PTPRG: variants seen among roughly 807,000 people sequenced by gnomAD.
PTPRG encodes the protein receptor-type tyrosine-protein phosphatase gamma.
Under a neutral mutation model 165.3 loss-of-function variants are expected in PTPRG, and 102 were observed. That is an observed-to-expected ratio of 0.62 (90% CI 0.53 to 0.73). PTPRG has a LOEUF of 0.73. Ranked by LOEUF, PTPRG falls within the 30% of genes least tolerant of loss-of-function variation. The probability of loss-of-function intolerance (pLI) is 0.00; values close to 1 mark genes in which losing one functional copy is unlikely to be tolerated. For synonymous variants in PTPRG, 675 were observed against 669.5 expected (o/e 1.01, Z -0.13); for missense variants, 1,866 against 1,861.4 (o/e 1.00, Z -0.05).
intron 7 of PTPRG, among the ~76,000 whole-genome samples, chr3:62,164,188 G>A (rs971496555): frequency 6.6e-6 from 1 of 152,150 alleles, no homozygotes; most frequent in East Asian, 1.9e-4. Context: ...CACAACTCTA[G>A]GGGACACTTT....
At chr3:61,575,105 TTCTGAACATA>T (rs1235580114) in intron 1 of PTPRG, among the ~76,000 whole-genome samples, 1 of 152,168 alleles carries the variant, frequency 6.6e-6, no homozygotes, top group Non-Finnish European at 1.5e-5. Context: ...TTAGAGTTCT[TTCTGAACATA>T]TTTTAGGATG....
intron 6 of PTPRG, among the ~76,000 whole-genome samples, chr3:62,138,073 G>T (rs1373764512): frequency 1.3e-5 from 2 of 152,154 alleles, no homozygotes; most frequent in African/African-American, 4.8e-5. Context: ...TTAGACCACT[G>T]CTGCACTGTA....
chr3:62,269,071 G>C lies in PTPRG; in HGVS notation c.2911G>C (p.Glu971Gln). The change falls in exon 20 of 30, where the codon GAG becomes CAG. Residue 971 changes from glutamate (E) to glutamine (Q), a missense_variant. Physicochemically the swap from Glu to Gln is conservative, Grantham distance 29. Around this residue, in one of 3 missense-constraint regions of PTPRG, gnomAD observed 1,452 missense variants for 1,463.0 expected, o/e 0.99. Coordinates refer to ENST00000474889, the MANE Select transcript of PTPRG (RefSeq NM_002841.4). Reference sequence around the variant, plus strand: ...TCAGTATTGGCCAACAGAGAACAGTGAGGAATATGGAAACATTATTGTCAC... The same window carrying C: ...TCAGTATTGGCCAACAGAGAACAGTCAGGAATATGGAAACATTATTGTCAC... The part of the protein sequence containing the change: ...CDQYWPTENS[E>Q]EYGNIIVTLK... 6.2e-7 allele frequency: 1 copy of C among 1,604,960 alleles called. No individual in the cohort carries two copies. Among genetic ancestry groups the C allele is most frequent in the Non-Finnish European group, 8.5e-7 (1 of 1,173,096 alleles).
chr3:61,733,005 A>G (rs1203340095), intron 1 of PTPRG, among the ~76,000 whole-genome samples: 1 of 152,186 alleles, frequency 6.6e-6, no homozygotes, highest in African/African-American at 2.4e-5. Flanking sequence ...CACTTTTATT[A>G]TAGTATTTTT....
chr3:61,601,945 T>G (rs183961735), intron 1 of PTPRG, among the ~76,000 whole-genome samples: 1 of 152,302 alleles, frequency 6.6e-6, no homozygotes, highest in African/African-American at 2.4e-5. Flanking sequence ...GTGGTTTCAT[T>G]TGAACCTTAC....
At chr3:62,124,863 C>A (rs1307373123) in intron 5 of PTPRG, among the ~76,000 whole-genome samples, 1 of 152,198 alleles carries the variant, frequency 6.6e-6, no homozygotes, top group African/African-American at 2.4e-5. Context: ...TGGCCAGAAT[C>A]TTTCATAACA....
intron 2 of PTPRG, among the ~76,000 whole-genome samples, chr3:61,966,776 G>C (rs899556664): frequency 2.0e-5 from 3 of 152,184 alleles, no homozygotes; most frequent in African/African-American, 7.2e-5. Context: ...ACTGCAGAGT[G>C]GGTAGAAGCG....
At chr3:62,127,750 A>G (rs1319803132) in intron 5 of PTPRG, among the ~76,000 whole-genome samples, 2 of 152,206 alleles carry the variant, frequency 1.3e-5, no homozygotes, top group South Asian at 2.1e-4. Flanking sequence ...GCCAAATGGC[A>G]TGGGGGACAG....
chr3:61,900,597 C>A lies in PTPRG; in HGVS notation c.191-89028C>A, dbSNP rs189641330. On this transcript the variant is annotated intron_variant, in intron 2 of 29. Transcript: ENST00000474889. Reference sequence around the variant, plus strand: ...TGCTGCAGTGCAGCTCCCAAACCACCCTGTCTCTAAGGCTAAGTAAGACAA... The same window carrying A: ...TGCTGCAGTGCAGCTCCCAAACCACACTGTCTCTAAGGCTAAGTAAGACAA... Among the ~76,000 whole-genome samples, 6 of 152,280 alleles carry A rather than the reference C, an allele frequency of 3.9e-5. No homozygotes were observed. In the East Asian group the frequency reaches 1.2e-3, roughly 29 times the overall value.
At chr3:61,635,853 T>C (rs965835483) in intron 1 of PTPRG, among the ~76,000 whole-genome samples, 2 of 152,144 alleles carry the variant, frequency 1.3e-5, no homozygotes, top group African/African-American at 4.8e-5. Context: ...TATTAGAGTT[T>C]TGGTATCTCA....
intron 1 of PTPRG, among the ~76,000 whole-genome samples, chr3:61,667,574 C>CACAAAGGGCA: frequency 6.6e-6 from 1 of 152,212 alleles, no homozygotes; most frequent in Admixed American, 6.5e-5. Flanking sequence ...CTCTATTAGG[C>CACAAAGGGCA]CTGACTCATG....
At chr3:62,200,444 G>A (rs533138927) in intron 10 of PTPRG, among the ~76,000 whole-genome samples, 4 of 151,684 alleles carry the variant, frequency 2.6e-5, no homozygotes, top group African/African-American at 9.7e-5. Flanking sequence ...CTAATTTTTT[G>A]TATTTTAGTA....
At chr3:62,054,170 G>A (rs1047950706) in intron 4 of PTPRG, among the ~76,000 whole-genome samples, 21 of 152,104 alleles carry the variant, frequency 1.4e-4, no homozygotes, top group South Asian at 8.3e-4. Flanking sequence ...AGTCCCAATT[G>A]TTAGACTCAG....
intron 1 of PTPRG, among the ~76,000 whole-genome samples, chr3:61,575,398 A>G (rs997021440): frequency 6.6e-6 from 1 of 152,122 alleles, no homozygotes; most frequent in Admixed American, 6.5e-5. Flanking sequence ...GCAAATGTGT[A>G]TTTAAAAAAA....
At chr3:61,676,614 G>A (rs187262878) in intron 1 of PTPRG, among the ~76,000 whole-genome samples, 23 of 151,848 alleles carry the variant, frequency 1.5e-4, no homozygotes, top group Admixed American at 3.9e-4. Flanking sequence ...ATGTCTTGGC[G>A]CCTTGATATA....
intron 2 of PTPRG, among the ~76,000 whole-genome samples, chr3:61,983,888 C>T (rs143150278): frequency 3.9e-5 from 6 of 152,206 alleles, no homozygotes; most frequent in Admixed American, 2.0e-4. Context: ...GTGTTTCTCT[C>T]AGATTTTTAT....
chr3:61,919,605 T>G (rs1559688881), intron 2 of PTPRG, among the ~76,000 whole-genome samples: 1 of 152,228 alleles, frequency 6.6e-6, no homozygotes, highest in East Asian at 1.9e-4. Context: ...GATGGACAAA[T>G]GGGAATGGTC....
chr3:61,749,593 A>G (rs1175501574), intron 2 of PTPRG: 1 of 154,756 alleles, frequency 6.5e-6, no homozygotes. Flanking sequence ...TTTTAAGGGG[A>G]CAAAAATGAA....
At chr3:61,967,535 G>A (rs1487841262) in intron 2 of PTPRG, among the ~76,000 whole-genome samples, 1 of 152,090 alleles carries the variant, frequency 6.6e-6, no homozygotes, top group Non-Finnish European at 1.5e-5. Flanking sequence ...TATATTAACT[G>A]CATTTTAGAT....
Sources: allele counts gnomAD v4.1 joint callset (sites outside exome capture counted in the v4.1 genomes callset), GRCh38; gene constraint gnomAD v4.1.1; regional missense constraint gnomAD v4.1.1; transcripts MANE v1.5; gene names NCBI Gene and HGNC (gene_info 2026-07-23, HGNC 2026-07-21).